Variants in PRKG1 observed in about 807,000 individuals in gnomAD.
PRKG1 encodes cGMP-dependent protein kinase 1.
A neutral mutation model predicts 88.1 loss-of-function variants in PRKG1; 35 were observed. The observed-to-expected ratio is 0.40, with a 90% CI of 0.30 to 0.53. PRKG1 has a LOEUF of 0.53. Ranked by LOEUF, PRKG1 falls within the 20% of genes least tolerant of loss-of-function variation. The pLI, the probability that PRKG1 is intolerant of heterozygous loss-of-function variation, is 0.59. For synonymous variants in PRKG1, 303 were observed against 292.5 expected, an observed-to-expected ratio of 1.04 and a Z score of -0.37; for missense variants, 540 against 839.8, an observed-to-expected ratio of 0.64 and a Z score of 4.41.
chr10:51,495,129 C>T (rs1219231538), intron 3 of PRKG1, among the ~76,000 whole-genome samples: 1 of 152,018 alleles, frequency 6.6e-6, no homozygotes, highest in African/African-American at 2.4e-5. Flanking sequence ...GAGTCTCGCT[C>T]TGTCACCCAG....
chr10:51,904,922 A>G (rs1842053300), intron 4 of PRKG1, among the ~76,000 whole-genome samples: 1 of 152,174 alleles, frequency 6.6e-6, no homozygotes, highest in East Asian at 1.9e-4. Context: ...ATGGCTAGGA[A>G]TAGCCAGAGC....
intron 5 of PRKG1, among the ~76,000 whole-genome samples, chr10:52,022,894 GAA>G (rs1845222497): frequency 6.6e-6 from 1 of 152,080 alleles, no homozygotes; most frequent in Admixed American, 6.6e-5. Flanking sequence ...TAAAAATGCA[GAA>G]CTTTTGGTCG....
intron 3 of PRKG1, among the ~76,000 whole-genome samples, chr10:51,530,510 C>T (rs1468102417): frequency 6.6e-6 from 1 of 152,194 alleles, no homozygotes; most frequent in Non-Finnish European, 1.5e-5. Context: ...TTCCAAATCA[C>T]ACTCTTGTTA....
intron 2 of PRKG1, among the ~76,000 whole-genome samples, chr10:51,384,318 T>A (rs1837192631): frequency 6.6e-6 from 1 of 152,098 alleles, no homozygotes; most frequent in South Asian, 2.1e-4. Flanking sequence ...TAAAATTATA[T>A]TTATCCCCAA....
intron 3 of PRKG1, among the ~76,000 whole-genome samples, chr10:51,656,725 C>T (rs538139986): frequency 4.8e-4 from 73 of 152,222 alleles, no homozygotes; most frequent in Non-Finnish European, 9.9e-4. Flanking sequence ...ACCTTAATGG[C>T]CCTCTTATCT....
At chr10:51,548,174 G>A (rs1049570598) in intron 3 of PRKG1, among the ~76,000 whole-genome samples, 2 of 152,022 alleles carry the variant, frequency 1.3e-5, no homozygotes, top group African/African-American at 4.8e-5. Flanking sequence ...TGCAAGGTTA[G>A]GGCAGTATTT....
rs116165566 is a variant in PRKG1 at position 51,643,328 on chromosome 10, G to A, written c.593-161257G>A. ...ACAGTTTTGATGCCAAAAAGACTTA[G>A]TCACAATGTAGAAAACTCAGACATC... On this transcript the variant is annotated intron_variant, in intron 3 of 17. Transcript: ENST00000373980. Among the ~76,000 whole-genome samples the A allele has an allele frequency of 3.8e-3, 572 of 152,192 alleles. 5 individuals are homozygous for A. The highest frequency in any genetic ancestry group is 0.013 in the African/African-American group (553 of 41,512).
At chr10:52,117,259 G>A (rs1427018883) in intron 7 of PRKG1, among the ~76,000 whole-genome samples, 1 of 145,996 alleles carries the variant, frequency 6.8e-6, no homozygotes, top group Non-Finnish European at 1.5e-5. Context: ...AGTTATGAAG[G>A]GTGTTAAGAT....
At chr10:51,161,608 G>A (rs978616064) in intron 2 of PRKG1, among the ~76,000 whole-genome samples, 2 of 151,950 alleles carry the variant, frequency 1.3e-5, no homozygotes, top group African/African-American at 4.8e-5. Flanking sequence ...TGGTTGAAAT[G>A]CCATCTTTTT....
At chr10:51,705,994 T>A (rs1841595612) in intron 3 of PRKG1, among the ~76,000 whole-genome samples, 1 of 152,226 alleles carries the variant, frequency 6.6e-6, no homozygotes, top group Admixed American at 6.5e-5. Flanking sequence ...TTTTCCTGTT[T>A]GTCTCTGAGT....
chr10:51,247,444 G>A (rs1839319893), intron 2 of PRKG1, among the ~76,000 whole-genome samples: 1 of 151,970 alleles, frequency 6.6e-6, no homozygotes, highest in East Asian at 1.9e-4. Context: ...ATGCATATGA[G>A]GAGAAGGAAA....
chr10:51,954,024 A>T (rs927841803), intron 5 of PRKG1, among the ~76,000 whole-genome samples: 1 of 152,130 alleles, frequency 6.6e-6, no homozygotes, highest in South Asian at 2.1e-4. Flanking sequence ...AAGATTTACT[A>T]ATGAATTATT....
At position 51,485,169 on chromosome 10, in the gene PRKG1, C is replaced by A. The variant is rs567037644; in HGVS notation, c.592+17333C>A. ...ACCTTTTGGGCCATATTAGTAAATG[C>A]CAATTACCTTTTATTTTTATTTTTT... On this transcript the variant is annotated intron_variant, in intron 3 of 17. Transcript: ENST00000373980. Among the ~76,000 whole-genome samples, 4 of 152,142 alleles carry A rather than the reference C, an allele frequency of 2.6e-5. No homozygotes were observed. The South Asian group carries it at 6.2e-4, about 24-fold the overall frequency.
intron 5 of PRKG1, among the ~76,000 whole-genome samples, chr10:52,036,777 A>T (rs1845623457): frequency 6.6e-6 from 1 of 152,126 alleles, no homozygotes; most frequent in Non-Finnish European, 1.5e-5. Context: ...ACTAAAAAGG[A>T]GTGCTTAAAA....
intron 1 of PRKG1, among the ~76,000 whole-genome samples, chr10:51,098,056 A>G (rs1423198523): frequency 6.6e-6 from 1 of 152,130 alleles, no homozygotes; most frequent in Non-Finnish European, 1.5e-5. Context: ...CTCCTATGTG[A>G]GCATGAATGG....
At chr10:51,199,076 C>T (rs868112116) in intron 2 of PRKG1, among the ~76,000 whole-genome samples, 4 of 152,192 alleles carry the variant, frequency 2.6e-5, no homozygotes, top group African/African-American at 7.2e-5. Context: ...GTTTTCTTCT[C>T]ATTCCTTTTT....
rs138603163 is a variant in PRKG1, at chr10:52,047,304, C to T, written c.763-7180C>T. ...CAGTTCATAGCAGAACAAATCCTTT[C>T]GACAATGGTTTTTCCATGAGTGAGA... On this transcript the variant is annotated intron_variant, in intron 5 of 17. Transcript: ENST00000373980. 1.1e-3 allele frequency among the ~76,000 whole-genome samples: 168 copies of T among 152,150 alleles called. 5 individuals are homozygous for T. In the East Asian group the frequency reaches 0.029, roughly 27 times the overall value.
intron 3 of PRKG1, among the ~76,000 whole-genome samples, chr10:51,654,670 A>G (rs1474426808): frequency 1.3e-5 from 2 of 152,220 alleles, no homozygotes; most frequent in Non-Finnish European, 2.9e-5. Flanking sequence ...CTATTTTAAT[A>G]GCTAAAAATG....
chr10:51,798,622 A>T (rs1165602033), intron 3 of PRKG1, among the ~76,000 whole-genome samples: 1 of 152,120 alleles, frequency 6.6e-6, no homozygotes, highest in South Asian at 2.1e-4. Context: ...TTTCTAGACT[A>T]TAAATATCTG....
Sources: gnomAD v4.1 joint callset for allele counts (sites outside exome capture counted in the v4.1 genomes callset) on GRCh38, gnomAD v4.1.1 for gene constraint, MANE v1.5 for transcripts, NCBI Gene and HGNC (gene_info 2026-07-23, HGNC 2026-07-21) for gene names.